Variants in PCSK2 observed in about 807,000 individuals in gnomAD.
PCSK2 encodes the protein proprotein convertase subtilisin/kexin type 2, also known as neuroendocrine convertase 2.
A neutral mutation model predicts 69.7 loss-of-function variants in PCSK2; 14 were observed. That is an observed-to-expected ratio of 0.20 (90% CI 0.13 to 0.31). The LOEUF (loss-of-function observed/expected upper bound fraction) is 0.31, where lower values mean the gene tolerates loss of function less well. Among genes scored for constraint, PCSK2 ranks in the 10% least tolerant of loss-of-function variants. PCSK2 has a pLI of 1.00. For missense variants in PCSK2, 544 were observed against 842.5 expected (o/e 0.65, Z 4.39); for synonymous variants, 307 against 320.7 (o/e 0.96, Z 0.46).
chr20:17,336,613 A>G (rs1990359842), intron 2 of PCSK2, among the ~76,000 whole-genome samples: 1 of 152,228 alleles, frequency 6.6e-6, no homozygotes, highest in South Asian at 2.1e-4. Flanking sequence ...TGGCTTCTGA[A>G]TGTGAAGCTG....
intron 6 of PCSK2, among the ~76,000 whole-genome samples, chr20:17,416,436 G>T (rs1010098981): frequency 1.3e-5 from 2 of 152,154 alleles, no homozygotes; most frequent in Non-Finnish European, 2.9e-5. Flanking sequence ...CATCATCATT[G>T]GTCATCAGAG....
chr20:17,360,336 C>A (rs1242458724), intron 3 of PCSK2, among the ~76,000 whole-genome samples, 196 bp from the exon 4 acceptor site: 7 of 145,182 alleles, frequency 4.8e-5, no homozygotes, highest in African/African-American at 5.0e-5. Flanking sequence ...GTGTTTATAC[C>A]AAAAAAAAAA....
intron 3 of PCSK2, among the ~76,000 whole-genome samples, 166 bp from the exon 4 acceptor site, chr20:17,360,366 T>C (rs980391139): frequency 3.3e-5 from 5 of 151,202 alleles, no homozygotes; most frequent in African/African-American, 1.2e-4. Flanking sequence ...GGAAACACTA[T>C]AGGTAGGTTG....
At chr20:17,314,597 T>C (rs1406528588) in intron 2 of PCSK2, among the ~76,000 whole-genome samples, 1 of 152,200 alleles carries the variant, frequency 6.6e-6, no homozygotes, top group Non-Finnish European at 1.5e-5. Flanking sequence ...GCCTAGCTTG[T>C]CTGTGAAATT....
At chr20:17,367,766 G>A (rs569404434) in intron 4 of PCSK2, among the ~76,000 whole-genome samples, 38 of 152,268 alleles carry the variant, frequency 2.5e-4, no homozygotes, top group South Asian at 2.1e-3. Flanking sequence ...CCAAAGCACC[G>A]GGATTACAGG....
intron 11 of PCSK2, among the ~76,000 whole-genome samples, chr20:17,480,909 C>T (rs1010588406): frequency 2.0e-5 from 3 of 152,246 alleles, no homozygotes; most frequent in South Asian, 2.1e-4. Context: ...CAGGCTTCCA[C>T]GGAGGTGGGA....
intron 4 of PCSK2, among the ~76,000 whole-genome samples, chr20:17,368,909 C>T (rs1443567137): frequency 6.6e-6 from 1 of 152,172 alleles, no homozygotes; most frequent in South Asian, 2.1e-4. Context: ...TCCCCAGGGC[C>T]GGTTTCATTT....
chr20:17,478,497 A>T (rs539730663), intron 11 of PCSK2, among the ~76,000 whole-genome samples: 13 of 152,308 alleles, frequency 8.5e-5, no homozygotes, highest in African/African-American at 3.1e-4. Context: ...AAATCCAAAA[A>T]CTTTAAATTA....
chr20:17,445,041 A>G (rs1396195543), intron 8 of PCSK2, among the ~76,000 whole-genome samples: 2 of 151,982 alleles, frequency 1.3e-5, no homozygotes, highest in Non-Finnish European at 2.9e-5. Flanking sequence ...CTCACACACA[A>G]CTCCCAAAGT....
Position 17,260,314 on chromosome 20 carries a change from C to G in PCSK2, c.252C>G (p.His84Gln). ...LAKAKRRRSL[H>Q]HKQQLERDPR... ...AGGCCAAGAGAAGACGCAGCCTACA[C>G]CACAAGCAGCAGCTGGAGAGAGACC... is the stretch of plus-strand genomic sequence containing the variant. The change falls in exon 2 of 12, where the codon CAC becomes CAG. Residue 84 changes from histidine (H) to glutamine (Q), a missense_variant. His to Gln is a conservative substitution (Grantham distance 24). Transcript: ENST00000262545. 6.2e-7 allele frequency: 1 copy of G among 1,613,400 alleles called. No homozygotes were observed. Among genetic ancestry groups the G allele is most frequent in the East Asian group, 2.2e-5 (1 of 44,854 alleles).
chr20:17,340,006 C>T (rs1481751153), intron 2 of PCSK2, among the ~76,000 whole-genome samples: 2 of 152,174 alleles, frequency 1.3e-5, no homozygotes, highest in Non-Finnish European at 2.9e-5. Context: ...ACGCATTCCC[C>T]CTCTCAGGCC....
intron 5 of PCSK2, among the ~76,000 whole-genome samples, chr20:17,386,179 A>T (rs1046191864): frequency 1.3e-5 from 2 of 152,238 alleles, no homozygotes; most frequent in African/African-American, 4.8e-5. Flanking sequence ...TTATTCAGAC[A>T]GTATATGTAT....
rs1335243475 is a variant in PCSK2, at chr20:17,464,982, T to C, written c.1203-344T>C. 1.8e-5 allele frequency: 6 copies of C among 326,190 alleles called. 1 individual carries two copies. The highest frequency in any genetic ancestry group is 1.3e-4 in the African/African-American group (6 of 47,496). 20.2% of individuals were successfully genotyped at this position (326,190 alleles called of 1,614,324 possible). Reference sequence around the variant, plus strand: ...AGTTTTCCAGTTTAGTTGGAATTACTTGCACGCTCATCCACAAAGTACATG... The same window carrying C: ...AGTTTTCCAGTTTAGTTGGAATTACCTGCACGCTCATCCACAAAGTACATG... On this transcript the variant is annotated intron_variant, in intron 10 of 11. Transcript: ENST00000262545.
intron 2 of PCSK2, among the ~76,000 whole-genome samples, chr20:17,295,129 C>T (rs1296132781): frequency 6.6e-6 from 1 of 152,036 alleles, no homozygotes; most frequent in Admixed American, 6.6e-5. Context: ...AGAAGCATCC[C>T]TCACATTTCA....
At chr20:17,432,350 G>A (rs973588774) in intron 7 of PCSK2, among the ~76,000 whole-genome samples, 11 of 151,970 alleles carry the variant, frequency 7.2e-5, no homozygotes, top group Non-Finnish European at 1.0e-4. Flanking sequence ...TTCAAACTCC[G>A]TGACATGTAG....
chr20:17,437,834 C>A (rs1263012399), intron 8 of PCSK2, among the ~76,000 whole-genome samples: 1 of 152,212 alleles, frequency 6.6e-6, no homozygotes, highest in Admixed American at 6.5e-5. Flanking sequence ...GGGCCTCAGC[C>A]GATAGATTCG....
intron 11 of PCSK2, among the ~76,000 whole-genome samples, chr20:17,466,057 C>T (rs1455110500): frequency 6.6e-6 from 1 of 152,118 alleles, no homozygotes; most frequent in Non-Finnish European, 1.5e-5. Context: ...ACACAGAACC[C>T]CTGCTTTTGG....
intron 5 of PCSK2, among the ~76,000 whole-genome samples, chr20:17,381,951 A>G (rs1311207434): frequency 6.6e-6 from 1 of 152,190 alleles, no homozygotes; most frequent in Non-Finnish European, 1.5e-5. Context: ...CTTTACCAAC[A>G]AAAAATATAT....
chr20:17,290,678 G>A (rs1186554428), intron 2 of PCSK2, among the ~76,000 whole-genome samples: 10 of 152,170 alleles, frequency 6.6e-5, no homozygotes, highest in Admixed American at 6.5e-4. Context: ...TTATATTTAT[G>A]TGGGATTTTT....
Sources: allele counts gnomAD v4.1 joint callset (sites outside exome capture counted in the v4.1 genomes callset), GRCh38; gene constraint gnomAD v4.1.1; transcripts MANE v1.5; gene names NCBI Gene and HGNC (gene_info 2026-07-23, HGNC 2026-07-21).